TNS3: variants seen among roughly 807,000 people sequenced by gnomAD.
TNS3 encodes tensin 3, also known as tensin-3.
TNS3 carries 45 observed loss-of-function variants against 140.9 expected under a neutral mutation model. The observed-to-expected ratio is 0.32, with a 90% CI of 0.25 to 0.41. TNS3 has a LOEUF of 0.41. TNS3 is among the 10% of genes least tolerant of loss of function. TNS3 has a pLI of 1.00. For synonymous variants in TNS3, 815 were observed against 788.4 expected (o/e 1.03, Z -0.56); for missense variants, 1,716 against 1,906.7 (o/e 0.90, Z 1.86).
Position 47,389,070 on chromosome 7 carries a change from A to C in TNS3, c.1024+7730T>G, listed in dbSNP as rs1175869203. Among the ~76,000 whole-genome samples the C allele has an allele frequency of 1.3e-3, 72 of 53,878 alleles. 15 individuals carry two copies. Among genetic ancestry groups the C allele is most frequent in the African/African-American group, 5.5e-3 (69 of 12,650 alleles). The allele number at this position is 53,878 out of a possible 152,430, so 35.3% of individuals were successfully genotyped here. ...GAAGAAGAAGAAGAAGAAGAAGAAG[A>C]AGAAGAAGAAGAAGAGGAAGAGGAA... is the stretch of plus-strand genomic sequence containing the variant. On this transcript the variant is annotated intron_variant, in intron 16 of 30. Transcript: ENST00000311160.
rs1013039049 is a variant in TNS3 at position 47,368,287 on chromosome 7, C to T, written c.2281+78G>A. 1.8e-5 allele frequency: 24 copies of T among 1,358,952 alleles called. No homozygotes were observed. In the African/African-American group the frequency reaches 3.4e-4, roughly 19 times the overall value. The allele number at this position is 1,358,952 out of a possible 1,614,324, so 84.2% of individuals were successfully genotyped here. On this transcript the variant is annotated intron_variant, in intron 17 of 30. Transcript: ENST00000311160. ...GTGGATTTCGCCAAAAGCTAACCTA[C>T]TAGGCTGATTTCTCATCACACATTA...
Position 47,522,724 on chromosome 7 carries a change from C to T in TNS3, c.-153+6312G>A, listed in dbSNP as rs868722916. On this transcript the variant is annotated intron_variant, in intron 2 of 30. Coordinates refer to ENST00000311160, the MANE Select transcript of TNS3 (RefSeq NM_022748.12). ...CAGGCGGATCATGAGGTCAGGAGAT[C>T]GAGACCATCCTGGCTAACATGGTGA... Among the ~76,000 whole-genome samples, 24 of 152,164 alleles carry T rather than the reference C, an allele frequency of 1.6e-4. 1 individual carries two copies. In the Middle Eastern group the frequency reaches 0.024, roughly 151 times the overall value.
chr7:47,544,951 A>C (rs1430130391), intron 1 of TNS3, among the ~76,000 whole-genome samples: 1 of 151,832 alleles, frequency 6.6e-6, no homozygotes, highest in African/African-American at 2.4e-5. Flanking sequence ...CTGCAGAGTT[A>C]GTTGTACGAA....
At chr7:47,426,955 T>C (rs997995372) in intron 9 of TNS3, among the ~76,000 whole-genome samples, 9 of 151,822 alleles carry the variant, frequency 5.9e-5, no homozygotes, top group African/African-American at 2.2e-4. Context: ...TGAAACCCTG[T>C]CCCTACTAAA....
Position 47,396,901 on chromosome 7 carries a change from G to C in TNS3, c.923C>G (p.Ser308Cys), listed in dbSNP as rs768152765. 9.9e-6 allele frequency: 16 copies of C among 1,612,784 alleles called. No homozygotes were observed. Among genetic ancestry groups the C allele is most frequent in the Middle Eastern group, 1.6e-4 (1 of 6,074 alleles). The change falls in exon 16 of 31, where the codon TCC (serine) becomes TGC (cysteine). Residue 308 changes from serine (S) to cysteine (C), a missense_variant. Around this residue, in one of 3 missense-constraint regions of TNS3, gnomAD observed 337 missense variants for 428.9 expected, o/e 0.79. Coordinates refer to ENST00000311160, the MANE Select transcript of TNS3 (RefSeq NM_022748.12). ...ACCGTGGTCGTTGTACAAGTGTTCGGACCCTGCACAGAGCACAGGCAGCAA... is the reference window on the plus strand; with the variant it reads ...ACCGTGGTCGTTGTACAAGTGTTCGCACCCTGCACAGAGCACAGGCAGCAA... ...FSATPEKIQG[S>C]EHLYNDHGVI...
chr7:47,283,206 G>A (rs1785239073), intron 28 of TNS3, among the ~76,000 whole-genome samples: 1 of 152,228 alleles, frequency 6.6e-6, no homozygotes. Context: ...TCCACATGGA[G>A]AACATCTGCT....
intron 13 of TNS3, among the ~76,000 whole-genome samples, chr7:47,409,946 TGCGCCCAGCCCG>T (rs1463330507): frequency 6.6e-6 from 1 of 152,174 alleles, no homozygotes; most frequent in African/African-American, 2.4e-5. Context: ...CGTGAGCCAC[TGCGCCCAGCCCG>T]GCCTCCTCTT....
At chr7:47,441,224 G>T (rs1226248455) in intron 5 of TNS3, among the ~76,000 whole-genome samples, 3 of 152,016 alleles carry the variant, frequency 2.0e-5, no homozygotes, top group Non-Finnish European at 4.4e-5. Context: ...CTGTCGCCAG[G>T]CTGGAATGCA....
chr7:47,384,657 T>A (rs1324823489), intron 16 of TNS3, among the ~76,000 whole-genome samples: 1 of 152,226 alleles, frequency 6.6e-6, no homozygotes. Context: ...GACTCTCCTT[T>A]CTCTAGCAGC....
intron 6 of TNS3, among the ~76,000 whole-genome samples, chr7:47,438,156 G>A (rs1307342547): frequency 2.0e-5 from 3 of 152,216 alleles, no homozygotes; most frequent in Non-Finnish European, 4.4e-5. Flanking sequence ...GGAGGGTGGG[G>A]GCTTGTCCTG....
intron 2 of TNS3, among the ~76,000 whole-genome samples, chr7:47,524,841 A>G (rs1799133259): frequency 6.7e-6 from 1 of 148,424 alleles, no homozygotes; most frequent in Non-Finnish European, 1.5e-5. Flanking sequence ...AAAAAAGGCA[A>G]TGGGAGCAGC....
intron 10 of TNS3, among the ~76,000 whole-genome samples, chr7:47,419,099 GAAT>G (rs1478873611): frequency 1.3e-5 from 2 of 152,186 alleles, no homozygotes; most frequent in Non-Finnish European, 2.9e-5. Context: ...GTAATGGGAA[GAAT>G]AATGAGACCT....
chr7:47,521,611 C>T (rs548257705), intron 2 of TNS3, among the ~76,000 whole-genome samples: 1 of 152,172 alleles, frequency 6.6e-6, no homozygotes, highest in Non-Finnish European at 1.5e-5. Flanking sequence ...CTAGGGGACA[C>T]AGCGGCAGGG....
At chr7:47,293,689 C>T in intron 25 of TNS3, 44 bp downstream of exon 25, 1 of 1,568,764 alleles carries the variant, frequency 6.4e-7, no homozygotes, top group Non-Finnish European at 8.8e-7. Context: ...GAATCCAGGC[C>T]TCATGAGTTC....
At chr7:47,388,049 C>T (rs1206356745) in intron 16 of TNS3, among the ~76,000 whole-genome samples, 3 of 152,170 alleles carry the variant, frequency 2.0e-5, no homozygotes, top group African/African-American at 4.8e-5. Flanking sequence ...GTTCTACGCA[C>T]GGAAGACACA....
chr7:47,470,381 ATAAG>A (rs956269663), intron 4 of TNS3: 1 of 875,132 alleles, frequency 1.1e-6, no homozygotes, highest in African/African-American at 1.8e-5. Flanking sequence ...CTTAAAATAA[ATAAG>A]TAAAATATGT....
intron 17 of TNS3, among the ~76,000 whole-genome samples, chr7:47,347,286 A>G (rs1344784296): frequency 1.3e-5 from 2 of 152,232 alleles, no homozygotes; most frequent in African/African-American, 4.8e-5. Flanking sequence ...CTTTGTTCCA[A>G]ATTGGTTGAT....
chr7:47,518,552 G>C (rs2151912067), intron 2 of TNS3, among the ~76,000 whole-genome samples: 1 of 152,302 alleles, frequency 6.6e-6, no homozygotes, highest in Admixed American at 6.5e-5. Flanking sequence ...ACTGGGGCCA[G>C]GCACAGAGGC....
chr7:47,408,950 C>T (rs1793600845), intron 13 of TNS3, among the ~76,000 whole-genome samples: 1 of 152,070 alleles, frequency 6.6e-6, no homozygotes, highest in African/African-American at 2.4e-5. Flanking sequence ...TCCCTCCTGC[C>T]AGAAAGCCCA....
Sources: allele counts gnomAD v4.1 joint callset (sites outside exome capture counted in the v4.1 genomes callset), GRCh38; gene constraint gnomAD v4.1.1; regional missense constraint gnomAD v4.1.1; transcripts MANE v1.5; gene names NCBI Gene and HGNC (gene_info 2026-07-23, HGNC 2026-07-21).